The following CDKAL1 variants were observed in gnomAD, a reference collection of about 807,000 sequenced individuals.
CDKAL1 encodes the protein CDKAL1 threonylcarbamoyladenosine tRNA methylthiotransferase, also known as threonylcarbamoyladenosine tRNA methylthiotransferase.
Under a neutral mutation model 68.2 loss-of-function variants are expected in CDKAL1, and 32 were observed. The ratio of observed to expected loss-of-function variants is 0.47; its 90% CI spans 0.35 to 0.63. The LOEUF is 0.63. Ranked by LOEUF, CDKAL1 falls within the 30% of genes least tolerant of loss-of-function variation. The pLI is 0.00. For synonymous variants in CDKAL1, 234 were observed against 244.3 expected (o/e 0.96, Z 0.39); for missense variants, 606 against 696.7 (o/e 0.87, Z 1.47).
chr6:20,901,440 C>G (rs925893353), intron 9 of CDKAL1, among the ~76,000 whole-genome samples: 1 of 151,378 alleles, frequency 6.6e-6, no homozygotes, highest in East Asian at 2.0e-4. Flanking sequence ...TTTGGGAGGC[C>G]GAGGCGGGCA....
intron 4 of CDKAL1, among the ~76,000 whole-genome samples, chr6:20,601,993 C>T (rs1413966307): frequency 2.0e-5 from 3 of 152,178 alleles, no homozygotes; most frequent in African/African-American, 7.2e-5. Context: ...CTGCTGAAGA[C>T]TTGGTCTGCT....
chr6:20,628,781 C>A (rs1767543656), intron 4 of CDKAL1, among the ~76,000 whole-genome samples: 1 of 152,016 alleles, frequency 6.6e-6, no homozygotes, highest in Non-Finnish European at 1.5e-5. Flanking sequence ...CAGCCTGCCT[C>A]TTTAGTCTTC....
rs1368998390 is a variant in CDKAL1, at chr6:20,586,994, T to TG, written c.286+38289_286+38290insG. 2.1e-5 allele frequency among the ~76,000 whole-genome samples: 3 copies of TG among 146,058 alleles called. No individual in the cohort carries two copies. In the East Asian group the frequency reaches 6.1e-4, roughly 30 times the overall value. ...CCTCCAGGTGTTTTTTTTTTTTTTT[T>TG]TTTTTTTTTGAGACGGAGTTTTGCT... On this transcript the variant is annotated intron_variant, in intron 4 of 15. Coordinates refer to ENST00000274695, the MANE Select transcript of CDKAL1 (RefSeq NM_017774.3).
intron 13 of CDKAL1, among the ~76,000 whole-genome samples, chr6:21,183,489 T>G (rs1213057416): frequency 6.6e-6 from 1 of 152,174 alleles, no homozygotes; most frequent in Non-Finnish European, 1.5e-5. Context: ...TTTCTAAAAG[T>G]TACTCCTCTC....
chr6:20,834,574 G>T (rs1777852039), intron 8 of CDKAL1, among the ~76,000 whole-genome samples: 1 of 152,116 alleles, frequency 6.6e-6, no homozygotes. Flanking sequence ...GGGTTATAAA[G>T]GCAAAGAGGA....
At chr6:20,956,969 A>G (rs978537185) in intron 10 of CDKAL1, among the ~76,000 whole-genome samples, 1 of 145,252 alleles carries the variant, frequency 6.9e-6, no homozygotes, top group African/African-American at 2.6e-5. Context: ...TTTACTTAAC[A>G]CTTTGACTCA....
intron 9 of CDKAL1, among the ~76,000 whole-genome samples, chr6:20,923,375 A>T (rs1763046714): frequency 6.6e-6 from 1 of 152,204 alleles, no homozygotes; most frequent in African/African-American, 2.4e-5. Context: ...AGCTTGTGCT[A>T]ACTTTGTGTC....
At chr6:21,150,105 G>A (rs879608317) in intron 13 of CDKAL1, among the ~76,000 whole-genome samples, 10 of 152,064 alleles carry the variant, frequency 6.6e-5, no homozygotes, top group Non-Finnish European at 7.3e-5. Flanking sequence ...TGATCCGCCC[G>A]CCTCGGCCTC....
At chr6:21,027,014 T>C (rs1480444563) in intron 11 of CDKAL1, among the ~76,000 whole-genome samples, 1 of 152,172 alleles carries the variant, frequency 6.6e-6, no homozygotes, top group East Asian at 1.9e-4. Context: ...CTGGACCTCA[T>C]GGTCCTCCCT....
chr6:20,683,081 G>T (rs576364688), intron 5 of CDKAL1, among the ~76,000 whole-genome samples: 2 of 151,816 alleles, frequency 1.3e-5, no homozygotes, highest in Admixed American at 1.3e-4. Flanking sequence ...TCCAGCCTCA[G>T]CCTCCTGAGT....
At chr6:20,578,234 G>A (rs753421059) in intron 4 of CDKAL1, among the ~76,000 whole-genome samples, 2 of 152,150 alleles carry the variant, frequency 1.3e-5, no homozygotes, top group African/African-American at 2.4e-5. Context: ...ATTCAGTTGA[G>A]TGAATTTTTT....
At chr6:20,570,904 G>A (rs6905281) in intron 4 of CDKAL1, among the ~76,000 whole-genome samples, 145,265 of 152,246 alleles carry the variant, frequency 0.95, 69,355 homozygotes, top group East Asian at 1. Context: ...GTAAGTTATA[G>A]ATTATTGATA....
In CDKAL1 at chr6:20,875,305, C is replaced by CAA. The variant is rs58717424; in HGVS notation, c.742+29152_742+29153dup. 5.3e-4 allele frequency among the ~76,000 whole-genome samples: 38 copies of CAA among 71,200 alleles called. 1 individual carries two copies. Among genetic ancestry groups the CAA allele is most frequent in the Admixed American group, 1.1e-3 (6 of 5,294 alleles). The allele number at this position is 71,200 out of a possible 152,430, so 46.7% of individuals were successfully genotyped here. On this transcript the variant is annotated intron_variant, in intron 9 of 15. Transcript: ENST00000274695. ...TGGGCGACAGAGCGAGACTCCGTCT[C>CAA]AAAAAAAAAAAAAAAAAAAAAAAAA...
At chr6:20,697,960 A>G (rs984074042) in intron 5 of CDKAL1, among the ~76,000 whole-genome samples, 2 of 152,218 alleles carry the variant, frequency 1.3e-5, no homozygotes, top group Non-Finnish European at 2.9e-5. Flanking sequence ...CTTTATGCAC[A>G]AGTATTTTAA....
rs200089637 is a variant in CDKAL1, at chr6:20,621,397, G to GTAGA, written c.287-27895_287-27892dup. ...ACTGTTGGTGTTAACCTGAAACCTG[G>GTAGA]TAGAAGTAGTGCTTGTCAGTTTTCT... is the stretch of plus-strand genomic sequence containing the variant. On this transcript the variant is annotated intron_variant, in intron 4 of 15. Transcript: ENST00000274695. 6.9e-3 allele frequency among the ~76,000 whole-genome samples: 1,052 copies of GTAGA among 152,200 alleles called. 12 individuals carry two copies. Among genetic ancestry groups the GTAGA allele is most frequent in the African/African-American group, 0.024 (993 of 41,542 alleles).
intron 7 of CDKAL1, among the ~76,000 whole-genome samples, chr6:20,779,118 G>C (rs1775305177): frequency 6.6e-6 from 1 of 152,176 alleles, no homozygotes; most frequent in South Asian, 2.1e-4. Flanking sequence ...TAGAATGGCT[G>C]TTATCATAAG....
At chr6:20,655,285 T>C (rs750583613) in intron 5 of CDKAL1, among the ~76,000 whole-genome samples, 8 of 152,156 alleles carry the variant, frequency 5.3e-5, no homozygotes, top group Non-Finnish European at 8.8e-5. Context: ...TGAAGGATGG[T>C]TGTGTGTAAG....
In CDKAL1 at chr6:20,887,954, T is replaced by A. The variant is rs113327815; in HGVS notation, c.742+41776T>A. 1.8e-3 allele frequency among the ~76,000 whole-genome samples: 244 copies of A among 138,894 alleles called. 1 individual carries two copies. The highest frequency in any genetic ancestry group is 4.6e-3 in the African/African-American group (185 of 39,820). 91.1% of individuals were successfully genotyped at this position (138,894 alleles called of 152,430 possible). ...GCCTGGCTAATCTTTAAAAAAAAAA[T>A]TTTTTTTGGTGGAACATAATTTCTT... On this transcript the variant is annotated intron_variant, in intron 9 of 15. Coordinates refer to ENST00000274695, the MANE Select transcript of CDKAL1 (RefSeq NM_017774.3).
chr6:21,023,343 G>T (rs966109093), intron 11 of CDKAL1, among the ~76,000 whole-genome samples: 1 of 152,056 alleles, frequency 6.6e-6, no homozygotes, highest in South Asian at 2.1e-4. Flanking sequence ...TACTCTGAAG[G>T]TCTGAACTTG....
Sources: gnomAD v4.1 joint callset for allele counts (sites outside exome capture counted in the v4.1 genomes callset) on GRCh38, gnomAD v4.1.1 for gene constraint, MANE v1.5 for transcripts, NCBI Gene and HGNC (gene_info 2026-07-23, HGNC 2026-07-21) for gene names.